Variants in CCDC73 observed in about 807,000 individuals in gnomAD.
CCDC73 encodes the protein coiled-coil domain-containing protein 73.
A neutral mutation model predicts 116.5 loss-of-function variants in CCDC73; 95 were observed. The ratio of observed to expected loss-of-function variants is 0.82; its 90% CI spans 0.69 to 0.97. CCDC73 has a LOEUF of 0.97. Ranked by LOEUF, CCDC73 falls within the 50% of genes least tolerant of loss-of-function variation. CCDC73 has a pLI of 0.00. For missense variants in CCDC73, 1,066 were observed against 1,206.8 expected (o/e 0.88, Z 1.73); for synonymous variants, 398 against 401.3 (o/e 0.99, Z 0.10).
Position 32,760,226 on chromosome 11 carries a change from A to G in CCDC73, c.18T>C (p.Asn6=). ...GAGTAAAAGTAGATGATGACTCAGT[A>G]TTGAAGTTGCTTTCCATATTAATAT... The part of the protein sequence containing the change: MESNF[N]TESSSTFTLQ... The change falls in exon 2 of 18, where the codon AAT becomes AAC. Residue 6 remains asparagine (N), a synonymous_variant. Coordinates refer to ENST00000335185, the MANE Select transcript of CCDC73 (RefSeq NM_001008391.4). 6.4e-7 allele frequency: 1 copy of G among 1,567,506 alleles called. No homozygotes were observed. Among genetic ancestry groups the G allele is most frequent in the Non-Finnish European group, 8.7e-7 (1 of 1,153,958 alleles).
chr11:32,636,611 C>T (rs958137064), intron 13 of CCDC73, among the ~76,000 whole-genome samples: 12 of 152,074 alleles, frequency 7.9e-5, no homozygotes, highest in African/African-American at 2.2e-4. Flanking sequence ...AATTTTAAAA[C>T]TCCTACCACA....
the CCDC73 span, among the ~76,000 whole-genome samples, chr11:32,806,358 C>A: frequency 6.6e-6 from 1 of 152,184 alleles, no homozygotes; most frequent in African/African-American, 2.4e-5. Context: ...TGGTAGCTCA[C>A]CCCTATCATC....
chr11:32,650,629 A>G (rs913624562), intron 12 of CCDC73, among the ~76,000 whole-genome samples: 1 of 152,228 alleles, frequency 6.6e-6, no homozygotes, highest in East Asian at 1.9e-4. Context: ...TGCTAGTCTT[A>G]TATCAGAATA....
chr11:32,760,028 G>T, intron 2 of CCDC73, 81 bp downstream of exon 2: 2 of 1,171,570 alleles, frequency 1.7e-6, no homozygotes, highest in Non-Finnish European at 1.2e-6. Flanking sequence ...GATTTTTTAG[G>T]CTTTTTATTC....
chr11:32,731,813 C>A (rs1443880978), intron 2 of CCDC73, among the ~76,000 whole-genome samples: 2 of 152,146 alleles, frequency 1.3e-5, no homozygotes, highest in South Asian at 4.1e-4. Flanking sequence ...TGGGGAGAAA[C>A]CAGAGCAGAA....
At chr11:32,732,839 G>C (rs748266729) in intron 2 of CCDC73, among the ~76,000 whole-genome samples, 2 of 152,186 alleles carry the variant, frequency 1.3e-5, no homozygotes, top group Admixed American at 6.5e-5. Flanking sequence ...GACCCTCGAT[G>C]CTAGGAAGAA....
At chr11:32,647,018 C>T (rs1262292324) in intron 12 of CCDC73, among the ~76,000 whole-genome samples, 2 of 152,146 alleles carry the variant, frequency 1.3e-5, no homozygotes, top group Non-Finnish European at 2.9e-5. Context: ...TTTAACTAAA[C>T]ATACTTTCTT....
chr11:32,621,672 TA>T (rs1483236376), intron 14 of CCDC73, among the ~76,000 whole-genome samples: 6 of 152,106 alleles, frequency 3.9e-5, no homozygotes, highest in African/African-American at 1.4e-4. Context: ...GGGATCTAAT[TA>T]AACTAAAGAG....
chr11:32,776,936 A>AATATATATATATAT (rs1169476616), intron 1 of CCDC73, among the ~76,000 whole-genome samples: 1 of 36,474 alleles, frequency 2.7e-5, no homozygotes, highest in South Asian at 7.1e-4. Flanking sequence ...AAAAAAAAAA[A>AATATATATATATAT]ATATATATAT....
intron 14 of CCDC73, among the ~76,000 whole-genome samples, chr11:32,633,420 A>G (rs1006838955): frequency 3.9e-5 from 6 of 152,216 alleles, no homozygotes; most frequent in Non-Finnish European, 4.4e-5. Context: ...TCTTTGAAAG[A>G]TAAAAATTAC....
At chr11:32,737,727 T>G (rs1188093841) in intron 2 of CCDC73, among the ~76,000 whole-genome samples, 2 of 152,160 alleles carry the variant, frequency 1.3e-5, no homozygotes, top group African/African-American at 4.8e-5. Flanking sequence ...TCTTTAAATG[T>G]ACAACTAAAT....
At chr11:32,627,174 C>G (rs1472329204) in intron 14 of CCDC73, among the ~76,000 whole-genome samples, 4 of 152,198 alleles carry the variant, frequency 2.6e-5, no homozygotes, top group Non-Finnish European at 5.9e-5. Context: ...TGAACAGACA[C>G]TTCTCAAAAG....
At chr11:32,656,087 T>C (rs1590572462) in intron 9 of CCDC73, among the ~76,000 whole-genome samples, 1 of 151,584 alleles carries the variant, frequency 6.6e-6, no homozygotes, top group Admixed American at 6.6e-5. Context: ...TTCTTTTCTT[T>C]TTTTTTTTGA....
upstream of CCDC73, among the ~76,000 whole-genome samples, chr11:32,797,380 C>T (rs1304952278): frequency 6.6e-6 from 1 of 152,200 alleles, no homozygotes; most frequent in East Asian, 1.9e-4. Flanking sequence ...CTGACTCTGC[C>T]ACAACCAGCA....
intron 3 of CCDC73, among the ~76,000 whole-genome samples, chr11:32,712,691 A>G (rs1849910708): frequency 6.6e-6 from 1 of 152,044 alleles, no homozygotes. Context: ...AAAATTGCCA[A>G]TAAGTCTGTC....
At chr11:32,785,103 T>C (rs1291547200) in intron 1 of CCDC73, among the ~76,000 whole-genome samples, 2 of 151,790 alleles carry the variant, frequency 1.3e-5, no homozygotes, top group Non-Finnish European at 2.9e-5. Flanking sequence ...GAGGTAGAGG[T>C]TGCAGTGAGC....
At chr11:32,643,860 T>C (rs1261888981) in intron 12 of CCDC73, among the ~76,000 whole-genome samples, 3 of 152,142 alleles carry the variant, frequency 2.0e-5, no homozygotes, top group Admixed American at 6.5e-5. Context: ...TCAAGCTTAG[T>C]TGACTTTACA....
chr11:32,748,490 ATATCT>A (rs1375571912), intron 2 of CCDC73, among the ~76,000 whole-genome samples: 1 of 152,182 alleles, frequency 6.6e-6, no homozygotes, highest in African/African-American at 2.4e-5. Context: ...GTTTCCATTC[ATATCT>A]TATTATACTG....
the CCDC73 span, among the ~76,000 whole-genome samples, chr11:32,821,770 T>A: frequency 1.3e-5 from 2 of 152,202 alleles, no homozygotes; most frequent in African/African-American, 4.8e-5. Flanking sequence ...GAAACCCCAG[T>A]TGCAATGCTC....
Sources: allele counts gnomAD v4.1 joint callset (sites outside exome capture counted in the v4.1 genomes callset), GRCh38; gene constraint gnomAD v4.1.1; transcripts MANE v1.5; gene names NCBI Gene and HGNC (gene_info 2026-07-23, HGNC 2026-07-21).